The following MAGED1 variants were observed in gnomAD, a reference collection of about 807,000 sequenced individuals.
MAGED1 encodes MAGE family member D1.
In MAGED1, 3 loss-of-function variants were observed where a neutral mutation model predicts 54.1. That is an observed-to-expected ratio of 0.06 (90% CI 0.03 to 0.14). MAGED1 has a LOEUF of 0.14. Among genes scored for constraint, MAGED1 ranks in the 10% least tolerant of loss-of-function variants. The pLI is 1.00. For missense variants in MAGED1, 485 were observed against 623.4 expected (o/e 0.78, Z 2.36); for synonymous variants, 217 against 227.3 (o/e 0.95, Z 0.41).
Position 51,902,195 on chromosome X carries a change from CAGATTCCTTCTAA to C in MAGED1, c.*60_*72del. 1 of 273,473 alleles carries C rather than the reference CAGATTCCTTCTAA, an allele frequency of 3.7e-6. No homozygotes were observed. 22.5% of individuals were successfully genotyped at this position (273,473 alleles called of 1,213,427 possible). On this transcript the variant is annotated 3_prime_UTR_variant, in exon 13 of 13. Transcript: ENST00000326587. ...TTTCCCCTGTGTGAGGCTGAAGCCT[CAGATTCCTTCTAA>C]ACACAGCTATCTAGAGAGCCACATC...
chrX:51,854,912 T>C (rs1021240002), intron 1 of MAGED1, among the ~76,000 whole-genome samples: 7 of 111,344 alleles, frequency 6.3e-5, no homozygotes, highest in Non-Finnish European at 1.3e-4. Flanking sequence ...AATCCTTGCT[T>C]TCCTCTCCTA....
At chrX:51,856,190 T>C (rs781981727) in intron 1 of MAGED1, among the ~76,000 whole-genome samples, 10 of 112,652 alleles carry the variant, frequency 8.9e-5, no homozygotes, top group African/African-American at 1.3e-4. Flanking sequence ...TCAGGTGTTT[T>C]CATTTTTTCA....
chrX:51,873,532 T>TGAGAGAGAGA (rs782364762), intron 1 of MAGED1, among the ~76,000 whole-genome samples: 28 of 28,764 alleles, frequency 9.7e-4, no homozygotes, highest in African/African-American at 3.6e-3. Flanking sequence ...TGTGTGTGTG[T>TGAGAGAGAGA]GTGAGAGAGA....
At chrX:51,867,984 A>G (rs1007240039) in intron 1 of MAGED1, among the ~76,000 whole-genome samples, 12 of 112,514 alleles carry the variant, frequency 1.1e-4, no homozygotes, top group African/African-American at 3.9e-4. Context: ...CTGTAGTACA[A>G]ATAGCTCAAT....
intron 11 of MAGED1, 90 bp from the exon 12 acceptor site, chrX:51,901,463 A>G: frequency 1.2e-6 from 1 of 822,851 alleles, no homozygotes; most frequent in Non-Finnish European, 1.7e-6. Flanking sequence ...CATTGTCCTT[A>G]TCCATTCATC....
intron 1 of MAGED1, among the ~76,000 whole-genome samples, chrX:51,864,067 T>C (rs1927374439): frequency 9.0e-6 from 1 of 111,160 alleles, no homozygotes; most frequent in Non-Finnish European, 1.9e-5. Context: ...ATCATTGTCA[T>C]GTTCAATGTG....
chrX:51,895,675 G>A lies in MAGED1; in HGVS notation c.668G>A (p.Gly223Asp). The change falls in exon 3 of 13, where the codon GGT (glycine) becomes GAT (aspartate). Residue 223 changes from glycine to aspartate, a missense_variant. Transcript: ENST00000326587. Reference protein sequence around the residue: ...ETDPGISEPDGATAQTSADGS... With the variant: ...ETDPGISEPDDATAQTSADGS... ...GACCCAGGTATCTCTGAACCTGACGGTGCAACTGCACAGACATCAGCAGAT... is the reference window on the plus strand; with the variant it reads ...GACCCAGGTATCTCTGAACCTGACGATGCAACTGCACAGACATCAGCAGAT... The A allele has an allele frequency of 1.7e-6, 2 of 1,206,271 alleles. No homozygotes were observed. Among genetic ancestry groups the A allele is most frequent in the South Asian group, 1.8e-5 (1 of 55,588 alleles).
chrX:51,887,932 A>G (rs1297146188), intron 1 of MAGED1, among the ~76,000 whole-genome samples: 4 of 111,268 alleles, frequency 3.6e-5, no homozygotes, highest in African/African-American at 1.3e-4. Flanking sequence ...TGCAAACCAT[A>G]TATCTGACAA....
Position 51,898,070 on chromosome X carries a change from A to C in MAGED1, c.1659-44A>C, listed in dbSNP as rs146241168. On this transcript the variant is annotated intron_variant, in intron 7 of 12. Transcript: ENST00000326587. Reference sequence around the variant, plus strand: ...ATGGGCAAGCTGGTTGGGGTCTCTCATGCAAATGGCTACTGAAAATATATT... The same window carrying C: ...ATGGGCAAGCTGGTTGGGGTCTCTCCTGCAAATGGCTACTGAAAATATATT... The C allele has an allele frequency of 4.2e-4, 477 of 1,140,982 alleles. 8 individuals carry two copies. The East Asian group carries it at 0.012, about 30-fold the overall frequency. 94.0% of individuals were successfully genotyped at this position (1,140,982 alleles called of 1,213,427 possible). A position where few individuals can be genotyped will look rare whatever the true frequency, so the allele number is the denominator to read the frequency against.
chrX:51,897,491 G>T, intron 5 of MAGED1, 56 bp from the exon 6 acceptor site: 1 of 989,933 alleles, frequency 1.0e-6, no homozygotes, highest in South Asian at 2.0e-5. Context: ...CTGGCAAAGG[G>T]ACTGCTGCTC....
chrX:51,812,917 G>GT (rs1557355655), intron 1 of MAGED1, among the ~76,000 whole-genome samples: 1 of 86,252 alleles, frequency 1.2e-5, no homozygotes, highest in Admixed American at 1.3e-4. Context: ...GCTAACACTT[G>GT]TTGTTTTCCT....
intron 1 of MAGED1, among the ~76,000 whole-genome samples, chrX:51,832,344 T>G (rs782005738): frequency 1.8e-5 from 2 of 111,844 alleles, no homozygotes; most frequent in Non-Finnish European, 3.8e-5. Context: ...TTAGTTATTT[T>G]TAAATATGCG....
intron 1 of MAGED1, among the ~76,000 whole-genome samples, chrX:51,860,113 A>C (rs1000822876): frequency 2.7e-5 from 3 of 110,322 alleles, no homozygotes; most frequent in African/African-American, 9.9e-5. Context: ...TACAAATACA[A>C]AATTAGCCAG....
In MAGED1 at chrX:51,873,573, G is replaced by A. The variant is rs1469045561; in HGVS notation, c.-36-20696G>A. ...AGAGAGAGAGAGAAGTTGGGGTAGG[G>A]GCATGTCATGTTTTAGGATGGGTAT... On this transcript the variant is annotated intron_variant, in intron 1 of 12. Coordinates refer to the MAGED1 transcript ENST00000375772. Among the ~76,000 whole-genome samples the A allele has an allele frequency of 2.3e-4, 24 of 105,539 alleles. 2 individuals are homozygous for A. The highest frequency in any genetic ancestry group is 5.2e-4 in the African/African-American group (15 of 28,673). 91.6% of individuals were successfully genotyped at this position (105,539 alleles called of 115,157 possible). A position where few individuals can be genotyped will look rare whatever the true frequency, so the allele number is the denominator to read the frequency against.
chrX:51,856,600 A>G (rs1927093974), intron 1 of MAGED1, among the ~76,000 whole-genome samples: 1 of 112,273 alleles, frequency 8.9e-6, no homozygotes, highest in African/African-American at 3.2e-5. Context: ...TGATAAGATT[A>G]TGATTTAGAG....
chrX:51,878,195 C>T lies in MAGED1; in HGVS notation c.-36-16074C>T, dbSNP rs192268656. 6.3e-5 allele frequency among the ~76,000 whole-genome samples: 7 copies of T among 111,337 alleles called. No individual in the cohort carries two copies. The East Asian group carries it at 2.0e-3, about 31-fold the overall frequency. On this transcript the variant is annotated intron_variant, in intron 1 of 12. Coordinates refer to the MAGED1 transcript ENST00000375772. ...CATTGAGGTTCTACTTGCAGGCTTC[C>T]TCCCCTTGTCTCTTCTGATAACCTT...
At chrX:51,825,793 GA>G (rs1452849813) in intron 1 of MAGED1, among the ~76,000 whole-genome samples, 3 of 111,826 alleles carry the variant, frequency 2.7e-5, no homozygotes, top group Non-Finnish European at 3.8e-5. Context: ...ATATTCCCTA[GA>G]AAATATCAGA....
intron 2 of MAGED1, chrX:51,894,676 C>T (rs1602270119): frequency 8.9e-7 from 1 of 1,129,011 alleles, no homozygotes; most frequent in Middle Eastern, 2.4e-4. Flanking sequence ...CAGCCTCCTG[C>T]CTCCACCCTC....
chrX:51,860,234 C>T (rs1465742779), intron 1 of MAGED1, among the ~76,000 whole-genome samples: 1 of 111,066 alleles, frequency 9.0e-6, no homozygotes, highest in Non-Finnish European at 1.9e-5. Flanking sequence ...CACTGCACTC[C>T]AGCCTGAGTG....
Sources: gnomAD v4.1 joint callset for allele counts (sites outside exome capture counted in the v4.1 genomes callset) on GRCh38, gnomAD v4.1.1 for gene constraint, MANE v1.5 for transcripts, NCBI Gene and HGNC (gene_info 2026-07-23, HGNC 2026-07-21) for gene names.